KCNAB1: variants seen among roughly 807,000 people sequenced by gnomAD.
KCNAB1 encodes the protein voltage-gated potassium channel subunit beta-1.
Under a neutral mutation model 64.6 loss-of-function variants are expected in KCNAB1, and 35 were observed. The observed-to-expected ratio is 0.54, with a 90% CI of 0.41 to 0.72. The LOEUF (loss-of-function observed/expected upper bound fraction) is 0.72, where lower values mean the gene tolerates loss of function less well. Ranked by LOEUF, KCNAB1 falls within the 30% of genes least tolerant of loss-of-function variation. KCNAB1 has a pLI of 0.00. For missense variants in KCNAB1, 401 were observed against 512.9 expected (o/e 0.78, Z 2.11); for synonymous variants, 177 against 183.8 (o/e 0.96, Z 0.30).
At chr3:156,185,724 C>A (rs952767084) in intron 1 of KCNAB1, among the ~76,000 whole-genome samples, 1 of 152,084 alleles carries the variant, frequency 6.6e-6, no homozygotes, top group Non-Finnish European at 1.5e-5. Context: ...ACTTCCCATC[C>A]TCGATGATAG....
At chr3:156,182,635 C>CCG (rs1281552111) in intron 1 of KCNAB1, among the ~76,000 whole-genome samples, 1 of 151,246 alleles carries the variant, frequency 6.6e-6, no homozygotes, top group Non-Finnish European at 1.5e-5. Flanking sequence ...TTTTTCCCCC[C>CCG]CCCGGGTCTT....
downstream of KCNAB1, chr3:156,539,021 C>CAGTT (rs5853754): frequency 9.9e-5 from 15 of 151,694 alleles, no homozygotes; most frequent in Non-Finnish European, 8.8e-5. Flanking sequence ...ATGTATTTCA[C>CAGTT]AGTTAGTTAG....
chr3:156,121,193 A>G (rs925561965), intron 1 of KCNAB1, among the ~76,000 whole-genome samples: 2 of 152,208 alleles, frequency 1.3e-5, no homozygotes, highest in African/African-American at 4.8e-5. Context: ...AGATGGTAGG[A>G]AAGTGCTCCC....
chr3:156,539,116 T>G (rs1322186203), downstream of KCNAB1: 1 of 152,202 alleles, frequency 6.6e-6, no homozygotes, highest in Non-Finnish European at 1.5e-5. Context: ...TGGCAGAGAA[T>G]CTATCATTCC....
chr3:156,399,842 T>A (rs564117555), intron 1 of KCNAB1, among the ~76,000 whole-genome samples: 2 of 152,308 alleles, frequency 1.3e-5, no homozygotes, highest in Admixed American at 1.3e-4. Flanking sequence ...TAGCTTGCAA[T>A]CATCCACTTC....
chr3:156,441,080 A>G (rs1346045320), intron 2 of KCNAB1: 1 of 152,218 alleles, frequency 6.6e-6, no homozygotes, highest in Admixed American at 6.5e-5. Context: ...GAAGAATTTG[A>G]AAGGACTGTT....
chr3:156,511,968 C>T (rs1356680807), intron 8 of KCNAB1, among the ~76,000 whole-genome samples: 1 of 152,200 alleles, frequency 6.6e-6, no homozygotes, highest in African/African-American at 2.4e-5. Context: ...TCATCTGCCT[C>T]GAATGCTCTT....
intron 8 of KCNAB1, among the ~76,000 whole-genome samples, chr3:156,504,453 T>C (rs886189306): frequency 2.0e-5 from 3 of 152,180 alleles, no homozygotes; most frequent in African/African-American, 7.2e-5. Context: ...GATCATATGG[T>C]AGTTCTAATT....
intron 8 of KCNAB1, among the ~76,000 whole-genome samples, chr3:156,483,665 T>C (rs1714995787): frequency 6.6e-6 from 1 of 152,138 alleles, no homozygotes; most frequent in Non-Finnish European, 1.5e-5. Flanking sequence ...AACTGAATAA[T>C]CTTAAGTCAT....
At chr3:156,149,045 C>T (rs1715229113) in intron 1 of KCNAB1, among the ~76,000 whole-genome samples, 1 of 152,038 alleles carries the variant, frequency 6.6e-6, no homozygotes, top group South Asian at 2.1e-4. Context: ...GGCATTGTGC[C>T]TAGAACAAAA....
chr3:156,395,500 C>A (rs1331767705), intron 1 of KCNAB1, among the ~76,000 whole-genome samples: 2 of 129,572 alleles, frequency 1.5e-5, no homozygotes, highest in Admixed American at 8.5e-5. Flanking sequence ...AGCCGAGATC[C>A]CGCCACTGCA....
intron 1 of KCNAB1, among the ~76,000 whole-genome samples, chr3:156,355,151 G>A (rs1725146985): frequency 6.6e-6 from 1 of 152,190 alleles, no homozygotes; most frequent in Non-Finnish European, 1.5e-5. Flanking sequence ...AATGGATCCT[G>A]CAGTGTAATT....
At chr3:156,310,751 C>A (rs1721840470) in intron 1 of KCNAB1, among the ~76,000 whole-genome samples, 1 of 152,146 alleles carries the variant, frequency 6.6e-6, no homozygotes, top group Non-Finnish European at 1.5e-5. Context: ...TTGCAGTGAG[C>A]TGAGATTGCG....
intron 2 of KCNAB1, among the ~76,000 whole-genome samples, chr3:156,428,095 T>C (rs1715948401): frequency 6.6e-6 from 1 of 152,214 alleles, no homozygotes. Flanking sequence ...AGCCATGGAA[T>C]GTCCAGATAT....
chr3:156,134,788 G>C (rs1438342042), intron 1 of KCNAB1, among the ~76,000 whole-genome samples: 1 of 152,134 alleles, frequency 6.6e-6, no homozygotes, highest in Non-Finnish European at 1.5e-5. Context: ...AAACATTCTA[G>C]CACAAATAGA....
intron 1 of KCNAB1, among the ~76,000 whole-genome samples, chr3:156,342,312 C>A (rs1724174388): frequency 6.6e-6 from 1 of 152,210 alleles, no homozygotes; most frequent in African/African-American, 2.4e-5. Flanking sequence ...TTTATCAATG[C>A]AAGCTTCACT....
chr3:156,141,934 A>G (rs1045785256), intron 1 of KCNAB1, among the ~76,000 whole-genome samples: 2 of 152,182 alleles, frequency 1.3e-5, no homozygotes, highest in African/African-American at 4.8e-5. Context: ...TGTTATCACC[A>G]TTTGTATTTT....
chr3:156,533,943 G>T (rs1428658299), intron 13 of KCNAB1, among the ~76,000 whole-genome samples: 1 of 152,162 alleles, frequency 6.6e-6, no homozygotes. Flanking sequence ...GAAAACTCTT[G>T]AGTAATTTTT....
chr3:156,450,658 C>G (rs762357695), intron 2 of KCNAB1, among the ~76,000 whole-genome samples: 6 of 152,096 alleles, frequency 3.9e-5, no homozygotes, highest in African/African-American at 1.4e-4. Flanking sequence ...GCAATTTTTT[C>G]GCTTAATAAA....
Sources: gnomAD v4.1 joint callset for allele counts (sites outside exome capture counted in the v4.1 genomes callset) on GRCh38, gnomAD v4.1.1 for gene constraint, MANE v1.5 for transcripts, NCBI Gene and HGNC (gene_info 2026-07-23, HGNC 2026-07-21) for gene names.